SBNO1: variants seen among roughly 807,000 people sequenced by gnomAD.
SBNO1 encodes protein strawberry notch homolog 1.
Under a neutral mutation model 173.6 loss-of-function variants are expected in SBNO1, and 23 were observed. That is an observed-to-expected ratio of 0.13 (90% confidence interval 0.10 to 0.19). SBNO1 has a LOEUF of 0.19. Among genes scored for constraint, SBNO1 ranks in the 10% least tolerant of loss-of-function variants. The pLI, the probability that SBNO1 is intolerant of heterozygous loss-of-function variation, is 1.00. For missense variants in SBNO1, 1,238 were observed against 1,671.2 expected, an observed-to-expected ratio of 0.74 and a Z score of 4.52; for synonymous variants, 632 against 571.5, an observed-to-expected ratio of 1.11 and a Z score of -1.51.
At chr12:123,296,555 G>GTTT (rs35125710) in intron 31 of SBNO1, among the ~76,000 whole-genome samples, 26 of 140,456 alleles carry the variant, frequency 1.9e-4, no homozygotes, top group East Asian at 2.2e-4. Flanking sequence ...ATATATATGT[G>GTTT]TTTTTTTTTT....
intron 30 of SBNO1, among the ~76,000 whole-genome samples, chr12:123,300,735 G>A (rs191183615): frequency 8.5e-5 from 13 of 152,114 alleles, no homozygotes; most frequent in African/African-American, 3.1e-4. Flanking sequence ...GCCGTGGTGG[G>A]CAGATCACAA....
rs765368385 is a variant in SBNO1 at position 123,336,434 on chromosome 12, C to A, written c.709G>T (p.Gly237Cys). Residue 237 changes from glycine to cysteine, a missense_variant, in exon 6 of 32, where the codon GGT becomes TGT. Gly to Cys is a radical substitution (Grantham distance 159). Around this residue, in one of 14 missense-constraint regions of SBNO1, gnomAD observed 78 missense variants for 103.3 expected, o/e 0.76. Transcript: ENST00000602398. Reference sequence around the variant, plus strand: ...TATTCTGCATAGGTTTCTGCATGACCCATTTCTTCTTCATCTTCTTCCTCT... The same window carrying A: ...TATTCTGCATAGGTTTCTGCATGACACATTTCTTCTTCATCTTCTTCCTCT... ...EPEEEDEEEM[G>C]HAETYAEYMP... is the part of the protein sequence containing the mutation. 1.2e-6 allele frequency: 2 copies of A among 1,612,416 alleles called. No individual in the cohort carries two copies. Among genetic ancestry groups the A allele is most frequent in the East Asian group, 2.2e-5 (1 of 44,812 alleles).
At position 123,309,761 on chromosome 12, in the gene SBNO1, C is replaced by T. The variant is rs1489219283; in HGVS notation, c.3391G>A (p.Ala1131Thr). The change falls in exon 26 of 32, where the codon GCA (alanine) becomes ACA (threonine). Residue 1131 changes from alanine to threonine, a missense_variant. Physicochemically the swap from Ala to Thr is moderately conservative, Grantham distance 58. Transcript: ENST00000602398. ...LFQYFADTLT[A>T]VVQNAKKNGR... ...TTTTTTTTGGCATTTTGAACAACTG[C>T]AGTAAGTGTGTCCGCAAAATACTGA... 1 of 1,613,144 alleles carries T rather than the reference C, an allele frequency of 6.2e-7. No homozygotes were observed. Among genetic ancestry groups the T allele is most frequent in the African/African-American group, 1.3e-5 (1 of 74,902 alleles).
intron 31 of SBNO1, among the ~76,000 whole-genome samples, 184 bp downstream of exon 31, chr12:123,297,794 C>T (rs192293778): frequency 6.6e-6 from 1 of 152,106 alleles, no homozygotes; most frequent in African/African-American, 2.4e-5. Flanking sequence ...TCAACCAGAA[C>T]CAACAATGTC....
rs2048477098 is a variant in SBNO1 at position 123,289,204 on chromosome 12, G to A, written c.*6704C>T. 2 of 152,214 alleles carry A rather than the reference G, an allele frequency of 1.3e-5. No individual in the cohort carries two copies. The highest frequency in any genetic ancestry group is 4.1e-4 in the South Asian group (2 of 4,826). The allele number at this position is 152,214 out of a possible 1,614,324, so 9.4% of individuals were successfully genotyped here. Reference sequence around the variant, plus strand: ...AAAAACTAAATACAGAATTTGTTACGCTTCACGGTTGATCGTTTTTACTTG... The same window carrying A: ...AAAAACTAAATACAGAATTTGTTACACTTCACGGTTGATCGTTTTTACTTG... On this transcript the variant is annotated 3_prime_UTR_variant, in exon 32 of 32. Transcript: ENST00000602398.
chr12:123,333,706 C>T (rs1451042965), intron 7 of SBNO1, among the ~76,000 whole-genome samples: 2 of 152,020 alleles, frequency 1.3e-5, no homozygotes, highest in Non-Finnish European at 2.9e-5. Context: ...CCATGTTACC[C>T]AGACTGGTCG....
chr12:123,320,971 CT>C, intron 17 of SBNO1, 105 bp from the exon 18 acceptor site: 1 of 945,332 alleles, frequency 1.1e-6, no homozygotes, highest in South Asian at 1.8e-5. Flanking sequence ...CAATGTTTCG[CT>C]GTTGTAGCCC....
chr12:123,352,542 T>G (rs1370107369), intron 1 of SBNO1, among the ~76,000 whole-genome samples: 3 of 152,182 alleles, frequency 2.0e-5, no homozygotes, highest in Non-Finnish European at 2.9e-5. Context: ...ACCACCCACC[T>G]TGGCCTCCCA....
chr12:123,337,255 T>G (rs1871963565), intron 5 of SBNO1, among the ~76,000 whole-genome samples: 2 of 152,210 alleles, frequency 1.3e-5, no homozygotes, highest in Non-Finnish European at 2.9e-5. Flanking sequence ...ACGGTTATGC[T>G]TCCCTTTTCT....
Position 123,313,738 on chromosome 12 carries a change from A to G in SBNO1, c.3121-19T>C. ...TTCCATACTGCAAAAAAAAATCAAA[A>G]CCTTTAACCAGTTTCAGCATTTGGA... On this transcript the variant is annotated intron_variant, in intron 23 of 31. Coordinates refer to ENST00000602398, the MANE Select transcript of SBNO1 (RefSeq NM_001167856.3). 7.0e-7 allele frequency: 1 copy of G among 1,435,930 alleles called. No individual in the cohort carries two copies. 88.9% of individuals were successfully genotyped at this position (1,435,930 alleles called of 1,614,324 possible).
chr12:123,336,715 G>A (rs1871890382), intron 5 of SBNO1, among the ~76,000 whole-genome samples: 1 of 152,090 alleles, frequency 6.6e-6, no homozygotes, highest in Non-Finnish European at 1.5e-5. Context: ...CCACAAATGG[G>A]TCACAAGACT....
intron 21 of SBNO1, 103 bp downstream of exon 21, chr12:123,317,118 G>T (rs1435347158): frequency 1.7e-6 from 2 of 1,211,430 alleles, no homozygotes; most frequent in African/African-American, 1.5e-5. Context: ...AATTACAGGC[G>T]TGAGCCTCTG....
intron 7 of SBNO1, 152 bp from the exon 8 acceptor site, chr12:123,331,527 T>C (rs553299529): frequency 5.0e-6 from 4 of 803,058 alleles, no homozygotes; most frequent in Non-Finnish European, 7.4e-6. Flanking sequence ...CATAGAGTTT[T>C]GGATTTTTTT....
chr12:123,331,398 T>C, intron 7 of SBNO1, 23 bp from the exon 8 acceptor site: 2 of 1,610,576 alleles, frequency 1.2e-6, no homozygotes, highest in Middle Eastern at 1.7e-4. Flanking sequence ...AGGCTGGTAA[T>C]TAATATAATC....
intron 9 of SBNO1, among the ~76,000 whole-genome samples, chr12:123,329,438 AC>A (rs1160885612): frequency 2.0e-5 from 3 of 151,790 alleles, no homozygotes; most frequent in Admixed American, 6.6e-5. Flanking sequence ...ACAAAAAAAA[AC>A]ATTAAAAACC....
At chr12:123,303,622 C>G (rs1186590712) in intron 29 of SBNO1, among the ~76,000 whole-genome samples, 1 of 149,862 alleles carries the variant, frequency 6.7e-6, no homozygotes, top group Non-Finnish European at 1.5e-5. Context: ...ACACTCCCAG[C>G]CTGGGTAACA....
chr12:123,317,580 C>T (rs938244317), intron 20 of SBNO1, among the ~76,000 whole-genome samples: 1 of 152,056 alleles, frequency 6.6e-6, no homozygotes, highest in African/African-American at 2.4e-5. Flanking sequence ...TAAAAGTAGG[C>T]GACATGCCCT....
At chr12:123,311,738 A>G (rs112855051) in intron 24 of SBNO1, among the ~76,000 whole-genome samples, 4 of 142,016 alleles carry the variant, frequency 2.8e-5, no homozygotes, top group African/African-American at 1.0e-4. Context: ...ATATATATAT[A>G]TATATATATA....
chr12:123,299,698 AAC>A (rs1555244057), intron 30 of SBNO1, among the ~76,000 whole-genome samples: 6 of 151,258 alleles, frequency 4.0e-5, no homozygotes, highest in East Asian at 2.0e-4. Flanking sequence ...AAAAAAAAAA[AAC>A]AAAAAAGCCA....
Sources: allele counts gnomAD v4.1 joint callset (sites outside exome capture counted in the v4.1 genomes callset), GRCh38; gene constraint gnomAD v4.1.1; regional missense constraint gnomAD v4.1.1; transcripts MANE v1.5; gene names NCBI Gene and HGNC (gene_info 2026-07-23, HGNC 2026-07-21).